FUT8: variants seen among roughly 807,000 people sequenced by gnomAD.
The protein encoded by FUT8 is alpha-(1,6)-fucosyltransferase.
FUT8 carries 29 observed loss-of-function variants against 71.3 expected under a neutral mutation model. That is an observed-to-expected ratio of 0.41 (90% CI 0.30 to 0.55). The LOEUF (loss-of-function observed/expected upper bound fraction) is 0.55. FUT8 is among the 20% of genes least tolerant of loss of function. FUT8 has a pLI of 0.34. For synonymous variants in FUT8, 254 were observed against 239.3 expected (o/e 1.06, Z -0.57); for missense variants, 544 against 702.1 (o/e 0.77, Z 2.55).
chr14:65,387,488 C>A, the FUT8 span, among the ~76,000 whole-genome samples: 1 of 152,232 alleles, frequency 6.6e-6, no homozygotes, highest in Non-Finnish European at 1.5e-5. Context: ...AGCCCCTGCA[C>A]AACTCTAGAA....
the FUT8 span, among the ~76,000 whole-genome samples, chr14:65,382,629 C>T: frequency 1.3e-5 from 2 of 152,126 alleles, no homozygotes; most frequent in Non-Finnish European, 2.9e-5. Flanking sequence ...AGTGAGTCAC[C>T]GTGCTCGGCC....
chr14:65,570,841 G>A (rs982616816), intron 3 of FUT8, among the ~76,000 whole-genome samples: 1 of 152,084 alleles, frequency 6.6e-6, no homozygotes, highest in Non-Finnish European at 1.5e-5. Context: ...AGACAAGATC[G>A]AAAACCTGAC....
intron 3 of FUT8, among the ~76,000 whole-genome samples, chr14:65,597,547 C>T (rs1011576009): frequency 9.2e-5 from 14 of 151,786 alleles, no homozygotes; most frequent in South Asian, 2.1e-4. Context: ...GGTGTGAACC[C>T]GGGAGGCGGA....
At chr14:65,448,031 G>A (rs2065768490) in intron 1 of FUT8, among the ~76,000 whole-genome samples, 1 of 152,178 alleles carries the variant, frequency 6.6e-6, no homozygotes, top group African/African-American at 2.4e-5. Context: ...CACAGAAACA[G>A]ACATGATTTA....
At chr14:65,373,179 G>A in the FUT8 span, among the ~76,000 whole-genome samples, 1 of 151,780 alleles carries the variant, frequency 6.6e-6, no homozygotes, top group Middle Eastern at 3.2e-3. Context: ...CCTTCAGGGC[G>A]ATTGTGATAT....
At chr14:65,511,035 G>A (rs1882305460) in intron 2 of FUT8, among the ~76,000 whole-genome samples, 1 of 151,776 alleles carries the variant, frequency 6.6e-6, no homozygotes, top group East Asian at 1.9e-4. Context: ...TTTGATGTAG[G>A]CACTTGTAGC....
intron 7 of FUT8, among the ~76,000 whole-genome samples, chr14:65,702,393 G>T (rs192760139): frequency 5.3e-5 from 8 of 151,366 alleles, no homozygotes; most frequent in African/African-American, 1.9e-4. Context: ...ACAACTTTGC[G>T]GATTAATTGA....
At chr14:65,613,405 A>G (rs555298085) in intron 3 of FUT8, among the ~76,000 whole-genome samples, 1 of 152,346 alleles carries the variant, frequency 6.6e-6, no homozygotes, top group Non-Finnish European at 1.5e-5. Context: ...AAAGAGATTA[A>G]GAGCCAAGTC....
At chr14:65,702,514 T>C (rs1894353261) in intron 7 of FUT8, among the ~76,000 whole-genome samples, 1 of 152,138 alleles carries the variant, frequency 6.6e-6, no homozygotes, top group African/African-American at 2.4e-5. Flanking sequence ...GAGGTATAAA[T>C]GCAGCGGCTA....
intron 2 of FUT8, among the ~76,000 whole-genome samples, chr14:65,456,036 T>C (rs1478347296): frequency 1.3e-5 from 2 of 152,236 alleles, no homozygotes; most frequent in African/African-American, 4.8e-5. Flanking sequence ...GCATATTTGG[T>C]GCTAAAAATA....
chr14:65,423,682 C>T (rs2065336843), intron 1 of FUT8, among the ~76,000 whole-genome samples: 1 of 152,202 alleles, frequency 6.6e-6, no homozygotes, highest in Non-Finnish European at 1.5e-5. Context: ...AATTATCAAG[C>T]CATCCGTGGC....
chr14:65,686,252 GC>G (rs1433190578), intron 7 of FUT8, among the ~76,000 whole-genome samples: 1 of 152,276 alleles, frequency 6.6e-6, no homozygotes, highest in South Asian at 2.1e-4. Flanking sequence ...AGCATTTTAA[GC>G]TTTAAGTTTG....
intron 2 of FUT8, among the ~76,000 whole-genome samples, chr14:65,531,121 A>G (rs112301670): frequency 6.6e-6 from 1 of 151,590 alleles, no homozygotes; most frequent in African/African-American, 2.4e-5. Flanking sequence ...GCTAATGTAA[A>G]TTGGTGGGAA....
the FUT8 span, among the ~76,000 whole-genome samples, chr14:65,372,468 T>G: frequency 6.6e-6 from 1 of 151,522 alleles, no homozygotes; most frequent in Non-Finnish European, 1.5e-5. Context: ...CGAGCTGGAG[T>G]GCAGTGGCGC....
chr14:65,676,575 T>G (rs1892726859), intron 7 of FUT8, among the ~76,000 whole-genome samples: 1 of 152,102 alleles, frequency 6.6e-6, no homozygotes, highest in African/African-American at 2.4e-5. Flanking sequence ...TAGGAGCTAG[T>G]AGTCGGTCCC....
At chr14:65,418,676 AAGG>A (rs1306357863) in intron 1 of FUT8, among the ~76,000 whole-genome samples, 3 of 152,098 alleles carry the variant, frequency 2.0e-5, no homozygotes, top group Non-Finnish European at 4.4e-5. Context: ...TTTGGAGATG[AAGG>A]AGATTTATTC....
rs566421479 is a variant in FUT8, at chr14:65,454,822, T to C, written c.-325-799T>C. Among the ~76,000 whole-genome samples the C allele has an allele frequency of 2.2e-4, 34 of 152,314 alleles. 1 individual carries two copies. The South Asian group carries it at 6.2e-3, about 28-fold the overall frequency. ...CGAATCTTTATTAAGGCCATTTCAC[T>C]TTTCAGTTAATCATATTGATTACTG... On this transcript the variant is annotated intron_variant, in intron 1 of 10. Transcript: ENST00000673929.
Position 65,495,184 on chromosome 14 carries a change from TAA to T in FUT8, c.-228+39479_-228+39480del, listed in dbSNP as rs34401031. On this transcript the variant is annotated intron_variant, in intron 2 of 10. Transcript: ENST00000673929. ...GAATTACTGAAGTTTGCTTTTCCCT[TAA>T]AAAAAAAAAAAACCCAGTAAATTAA... Among the ~76,000 whole-genome samples, 648 of 144,468 alleles carry T rather than the reference TAA, an allele frequency of 4.5e-3. 2 individuals carry two copies. The highest frequency in any genetic ancestry group is 0.013 in the African/African-American group (495 of 39,486). The allele number at this position is 144,468 out of a possible 152,430, so 94.8% of individuals were successfully genotyped here.
chr14:65,493,964 A>T (rs1282170805), intron 2 of FUT8, among the ~76,000 whole-genome samples: 1 of 152,130 alleles, frequency 6.6e-6, no homozygotes, highest in Non-Finnish European at 1.5e-5. Flanking sequence ...GAGTGAATGT[A>T]ATATGCTTTG....
Sources: allele counts gnomAD v4.1 joint callset (sites outside exome capture counted in the v4.1 genomes callset), GRCh38; gene constraint gnomAD v4.1.1; transcripts MANE v1.5; gene names NCBI Gene and HGNC (gene_info 2026-07-23, HGNC 2026-07-21).